Variants in ATP11C observed in about 807,000 individuals in gnomAD.
ATP11C encodes ATPase phospholipid transporting 11C (ATP11C blood group).
In ATP11C, 36 loss-of-function variants were observed where a neutral mutation model predicts 97.4. The observed-to-expected ratio is 0.37, with a 90% CI of 0.28 to 0.49. The LOEUF (loss-of-function observed/expected upper bound fraction) is 0.49. ATP11C is among the 20% of genes least tolerant of loss of function. The pLI, the probability that ATP11C is intolerant of heterozygous loss-of-function variation, is 0.98. For missense variants in ATP11C, 730 were observed against 824.6 expected (o/e 0.89, Z 1.40); for synonymous variants, 275 against 290.9 (o/e 0.95, Z 0.56).
intron 7 of ATP11C, among the ~76,000 whole-genome samples, chrX:139,801,286 C>T (rs1395820840): frequency 8.9e-6 from 1 of 112,205 alleles, no homozygotes; most frequent in Non-Finnish European, 1.9e-5. Context: ...AGCTTTATTA[C>T]TTCATCTCTT....
intron 1 of ATP11C, among the ~76,000 whole-genome samples, chrX:139,905,711 T>A (rs1485051327): frequency 9.0e-6 from 1 of 111,655 alleles, no homozygotes; most frequent in African/African-American, 3.3e-5. Flanking sequence ...TACTTACGTA[T>A]TTTATGTAAA....
chrX:139,850,626 C>T (rs1370049422), intron 1 of ATP11C, among the ~76,000 whole-genome samples: 3 of 111,429 alleles, frequency 2.7e-5, no homozygotes, highest in African/African-American at 9.8e-5. Flanking sequence ...AAAAGAGGTA[C>T]AACAGGGGCC....
At chrX:139,843,765 G>A (rs944259139) in intron 1 of ATP11C, among the ~76,000 whole-genome samples, 1 of 111,189 alleles carries the variant, frequency 9.0e-6, no homozygotes, top group Non-Finnish European at 1.9e-5. Flanking sequence ...GTCTCAAAGG[G>A]GGTGATTATG....
At chrX:139,755,288 G>C (rs990374497) in intron 23 of ATP11C, among the ~76,000 whole-genome samples, 7 of 111,737 alleles carry the variant, frequency 6.3e-5, no homozygotes, top group African/African-American at 2.0e-4. Context: ...TGAGGTGAAA[G>C]ATCTTTACAA....
At chrX:139,842,831 G>A (rs1297669486) in intron 1 of ATP11C, among the ~76,000 whole-genome samples, 1 of 111,928 alleles carries the variant, frequency 8.9e-6, no homozygotes, top group African/African-American at 3.2e-5. Flanking sequence ...AATGACAAGA[G>A]AATTTTATTT....
chrX:139,757,665 G>T, intron 23 of ATP11C, 143 bp downstream of exon 23: 1 of 356,675 alleles, frequency 2.8e-6, no homozygotes, highest in Non-Finnish European at 4.8e-6. Context: ...GAAAAGCAAA[G>T]ACATAAACAT....
intron 18 of ATP11C, among the ~76,000 whole-genome samples, chrX:139,776,034 A>C (rs1332207828): frequency 8.9e-6 from 1 of 112,207 alleles, no homozygotes; most frequent in Non-Finnish European, 1.9e-5. Context: ...GGAGGTAAGC[A>C]CAGCCTGCTA....
chrX:139,840,583 G>C (rs953945219), intron 1 of ATP11C, among the ~76,000 whole-genome samples: 1 of 111,895 alleles, frequency 8.9e-6, no homozygotes, highest in Non-Finnish European at 1.9e-5. Context: ...TTGACTTACA[G>C]AAAATTTTCT....
rs372368937 is a variant in ATP11C at position 139,852,452 on chromosome X, CGGGGGGGGGGGGGGGGGGGGG to C, written c.28-25650_28-25630del. Among the ~76,000 whole-genome samples, 125 of 12,255 alleles carry C rather than the reference CGGGGGGGGGGGGGGGGGGGGG, an allele frequency of 0.01. 10 individuals carry two copies. The East Asian group carries it at 0.13, about 13-fold the overall frequency. The allele number at this position is 12,255 out of a possible 115,157, so 10.6% of individuals were successfully genotyped here. ...GGAATAACCCAAGCTCTCAGCAATGCGGGGGGGGGGGGGGGGGGGGGGGGGGGGGAACTGGCCAGCGACCTA... is the reference window on the plus strand; with the variant it reads ...GGAATAACCCAAGCTCTCAGCAATGCGGGGGGGGAACTGGCCAGCGACCTA... On this transcript the variant is annotated intron_variant, in intron 1 of 29. Transcript: ENST00000682941.
At chrX:139,736,374 G>A (rs1295778497) in intron 28 of ATP11C, among the ~76,000 whole-genome samples, 2 of 111,452 alleles carry the variant, frequency 1.8e-5, no homozygotes, top group Non-Finnish European at 3.8e-5. Flanking sequence ...CTGGGTGTGA[G>A]TCATTATTTA....
Position 139,728,900 on chromosome X carries a change from T to C in ATP11C, c.*66A>G. On this transcript the variant is annotated 3_prime_UTR_variant, in exon 30 of 30. Coordinates refer to ENST00000682941, the MANE Select transcript of ATP11C (RefSeq NM_001353812.2). ...TAGTTGTTTCTTCATGCTTTCTTTT[T>C]TAGCTGTAACCACTGTCAGTATGCT... The C allele has an allele frequency of 8.3e-7, 1 of 1,201,530 alleles. No homozygotes were observed.
chrX:139,793,945 A>G (rs2082742764), intron 12 of ATP11C, among the ~76,000 whole-genome samples: 1 of 111,985 alleles, frequency 8.9e-6, no homozygotes, highest in South Asian at 3.7e-4. Context: ...CCCAGACAGT[A>G]AAAGGTGAAT....
chrX:139,758,544 A>G (rs2081979910), intron 22 of ATP11C, among the ~76,000 whole-genome samples: 2 of 111,796 alleles, frequency 1.8e-5, no homozygotes, highest in South Asian at 7.5e-4. Context: ...TAAGGGACTT[A>G]TTATTTAATT....
chrX:139,797,716 T>C (rs1299539141), intron 10 of ATP11C, among the ~76,000 whole-genome samples: 1 of 111,411 alleles, frequency 9.0e-6, no homozygotes, highest in Non-Finnish European at 1.9e-5. Flanking sequence ...GGTAGCAATG[T>C]GAAATCCTCA....
Position 139,813,392 on chromosome X carries a change from C to T in ATP11C, c.426+1486G>A, listed in dbSNP as rs376815402. Among the ~76,000 whole-genome samples, 7 of 111,847 alleles carry T rather than the reference C, an allele frequency of 6.3e-5. No individual in the cohort carries two copies. In the East Asian group the frequency reaches 8.4e-4, roughly 13 times the overall value. On this transcript the variant is annotated intron_variant, in intron 5 of 29. Coordinates refer to ENST00000682941, the MANE Select transcript of ATP11C (RefSeq NM_001353812.2). ...AGTTTCTTACAAAACGAAACATACT[C>T]TTACCATACAATTCAGCACTTCTTT...
intron 19 of ATP11C, among the ~76,000 whole-genome samples, chrX:139,770,107 G>A (rs1248950891): frequency 8.9e-6 from 1 of 111,992 alleles, no homozygotes; most frequent in Non-Finnish European, 1.9e-5. Flanking sequence ...TTATGGGGCT[G>A]AAAACAGCAA....
chrX:139,787,091 T>C, intron 15 of ATP11C, 82 bp downstream of exon 15: 1 of 1,172,685 alleles, frequency 8.5e-7, no homozygotes, highest in South Asian at 1.8e-5. Flanking sequence ...GTGGCATCAT[T>C]TCCTTTGCTG....
At chrX:139,873,002 T>C (rs780566538) in intron 1 of ATP11C, among the ~76,000 whole-genome samples, 17 of 112,579 alleles carry the variant, frequency 1.5e-4, no homozygotes, top group African/African-American at 5.5e-4. Flanking sequence ...ATTAATCTAG[T>C]TGTATTACAT....
intron 1 of ATP11C, among the ~76,000 whole-genome samples, chrX:139,833,980 A>G (rs2083705979): frequency 1.8e-5 from 2 of 111,866 alleles, no homozygotes; most frequent in Non-Finnish European, 3.8e-5. Flanking sequence ...AGATGTTAAC[A>G]AACTATAGGA....
Sources: allele counts gnomAD v4.1 joint callset (sites outside exome capture counted in the v4.1 genomes callset), GRCh38; gene constraint gnomAD v4.1.1; transcripts MANE v1.5; gene names NCBI Gene and HGNC (gene_info 2026-07-23, HGNC 2026-07-21).